Variants in GRIA1 observed in about 807,000 individuals in gnomAD.
GRIA1 encodes the protein glutamate receptor 1.
A neutral mutation model predicts 99.2 loss-of-function variants in GRIA1; 31 were observed. The ratio of observed to expected loss-of-function variants is 0.31; its 90% CI spans 0.23 to 0.42. GRIA1 has a LOEUF of 0.42. GRIA1 is among the 10% of genes least tolerant of loss of function. GRIA1 has a pLI of 1.00. For missense variants in GRIA1, 782 were observed against 1,157.5 expected (o/e 0.68, Z 4.71); for synonymous variants, 438 against 432.4 (o/e 1.01, Z -0.16).
At chr5:153,791,100 G>T (rs1765267050) in intron 13 of GRIA1, among the ~76,000 whole-genome samples, 1 of 151,382 alleles carries the variant, frequency 6.6e-6, no homozygotes, top group South Asian at 2.1e-4. Context: ...TCGCCCCCGG[G>T]CCACCATTCT....
intron 12 of GRIA1, among the ~76,000 whole-genome samples, chr5:153,764,891 G>A (rs1053812205): frequency 2.0e-5 from 3 of 152,134 alleles, no homozygotes; most frequent in Non-Finnish European, 4.4e-5. Flanking sequence ...AATGCTCTGA[G>A]GGCTGCAAAA....
chr5:153,694,446 C>T (rs981615808), intron 8 of GRIA1, among the ~76,000 whole-genome samples: 1 of 152,204 alleles, frequency 6.6e-6, no homozygotes, highest in Non-Finnish European at 1.5e-5. Flanking sequence ...ACAGAAATGT[C>T]TTGTAGTATA....
chr5:153,728,004 A>G (rs1760701396), intron 11 of GRIA1, among the ~76,000 whole-genome samples: 1 of 151,022 alleles, frequency 6.6e-6, no homozygotes, highest in African/African-American at 2.4e-5. Context: ...TACAGTAACC[A>G]AAACAGCATG....
At chr5:153,637,369 T>C (rs142299993) in intron 2 of GRIA1, among the ~76,000 whole-genome samples, 3 of 152,320 alleles carry the variant, frequency 2.0e-5, no homozygotes, top group African/African-American at 4.8e-5. Flanking sequence ...TCTAGGCCAA[T>C]AGTCCTTCAA....
intron 8 of GRIA1, among the ~76,000 whole-genome samples, chr5:153,694,553 G>A (rs547493201): frequency 1.3e-5 from 2 of 152,286 alleles, no homozygotes; most frequent in Admixed American, 1.3e-4. Flanking sequence ...TGTTTTACAT[G>A]CATTAACTAA....
intron 2 of GRIA1, among the ~76,000 whole-genome samples, chr5:153,563,371 C>T (rs949954318): frequency 1.3e-5 from 2 of 152,114 alleles, no homozygotes; most frequent in Admixed American, 6.6e-5. Flanking sequence ...ATATGGAAGA[C>T]ACCAATTGTT....
At chr5:153,505,142 T>A (rs1207839892) in intron 2 of GRIA1, among the ~76,000 whole-genome samples, 1 of 152,160 alleles carries the variant, frequency 6.6e-6, no homozygotes, top group Non-Finnish European at 1.5e-5. Context: ...GTATGGTTCT[T>A]TTACATAGGT....
At chr5:153,641,130 G>C (rs1378300873) in intron 2 of GRIA1, among the ~76,000 whole-genome samples, 1 of 152,052 alleles carries the variant, frequency 6.6e-6, no homozygotes, top group African/African-American at 2.4e-5. Context: ...GGGAATGAGT[G>C]CCTGAAAGTC....
chr5:153,688,449 C>T (rs917616101), intron 8 of GRIA1, among the ~76,000 whole-genome samples: 1 of 152,198 alleles, frequency 6.6e-6, no homozygotes, highest in East Asian at 1.9e-4. Context: ...GGTCACTTAG[C>T]TCTTATAACT....
rs7720770 is a variant in GRIA1, at chr5:153,757,546, G to A, written c.1824-6888G>A. On this transcript the variant is annotated intron_variant, in intron 11 of 15. Coordinates refer to ENST00000285900, the MANE Select transcript of GRIA1 (RefSeq NM_000827.4). ...ACAAAGAGAATTCTAAAAGCAGCAA[G>A]AGAAAAGAAGCAAATAACATGTAAG... Among the ~76,000 whole-genome samples the A allele has an allele frequency of 9.2e-3, 1,397 of 152,224 alleles. 13 individuals are homozygous for A. The highest frequency in any genetic ancestry group is 0.032 in the African/African-American group (1,316 of 41,540).
chr5:153,789,771 GAGA>G (rs766623104), intron 13 of GRIA1, among the ~76,000 whole-genome samples: 12 of 152,232 alleles, frequency 7.9e-5, no homozygotes, highest in Non-Finnish European at 1.3e-4. Flanking sequence ...CTGAGGCTTA[GAGA>G]AGTTTACTGA....
intron 2 of GRIA1, among the ~76,000 whole-genome samples, chr5:153,520,709 C>A (rs2113369898): frequency 6.6e-6 from 1 of 152,208 alleles, no homozygotes; most frequent in African/African-American, 2.4e-5. Flanking sequence ...CCTATTCAAC[C>A]TTCTGCTTCC....
intron 2 of GRIA1, chr5:153,525,357 A>C (rs1757496790): frequency 6.6e-6 from 1 of 152,190 alleles, no homozygotes; most frequent in Admixed American, 6.5e-5. Context: ...ACAAACCCCT[A>C]CAACAAATAA....
At chr5:153,544,047 T>C (rs986412347) in intron 2 of GRIA1, among the ~76,000 whole-genome samples, 16 of 152,076 alleles carry the variant, frequency 1.1e-4, no homozygotes, top group Non-Finnish European at 2.9e-5. Context: ...GAGCAGGGCC[T>C]GAAAAAGGTA....
At chr5:153,537,631 G>A (rs748261199) in intron 2 of GRIA1, among the ~76,000 whole-genome samples, 2 of 152,144 alleles carry the variant, frequency 1.3e-5, no homozygotes, top group Non-Finnish European at 2.9e-5. Flanking sequence ...ATGTCTGTAA[G>A]GGACTTCATA....
At chr5:153,762,770 T>A (rs1318802946) in intron 11 of GRIA1, among the ~76,000 whole-genome samples, 1 of 152,140 alleles carries the variant, frequency 6.6e-6, no homozygotes, top group African/African-American at 2.4e-5. Context: ...CTTGAACACC[T>A]TCAGAAATGG....
chr5:153,658,820 C>T (rs1255477913), intron 5 of GRIA1, among the ~76,000 whole-genome samples: 1 of 152,156 alleles, frequency 6.6e-6, no homozygotes, highest in Admixed American at 6.6e-5. Flanking sequence ...AATGCATGAG[C>T]TTCAAAGTAG....
At chr5:153,622,616 G>C (rs1165587037) in intron 2 of GRIA1, among the ~76,000 whole-genome samples, 2 of 152,184 alleles carry the variant, frequency 1.3e-5, no homozygotes, top group Non-Finnish European at 2.9e-5. Context: ...CTCCATAGCA[G>C]GCTTTCTTCT....
chr5:153,614,674 A>T (rs1317443544), intron 2 of GRIA1, among the ~76,000 whole-genome samples: 2 of 152,348 alleles, frequency 1.3e-5, no homozygotes, highest in African/African-American at 2.4e-5. Flanking sequence ...TACCTTAATC[A>T]ATTAGTAGCA....
Sources: gnomAD v4.1 joint callset for allele counts (sites outside exome capture counted in the v4.1 genomes callset) on GRCh38, gnomAD v4.1.1 for gene constraint, MANE v1.5 for transcripts, NCBI Gene and HGNC (gene_info 2026-07-23, HGNC 2026-07-21) for gene names.